Variants in ZNF184 observed in about 807,000 individuals in gnomAD.
The protein encoded by ZNF184 is zinc finger protein 184.
In ZNF184, 16 loss-of-function variants were observed where a neutral mutation model predicts 54.4. The observed-to-expected ratio is 0.29, with a 90% CI of 0.20 to 0.45. The LOEUF is 0.45. Ranked by LOEUF, ZNF184 falls within the 20% of genes least tolerant of loss-of-function variation. The pLI is 1.00. For synonymous variants in ZNF184, 254 were observed against 295.3 expected, an observed-to-expected ratio of 0.86 and a Z score of 1.43; for missense variants, 681 against 888.2, an observed-to-expected ratio of 0.77 and a Z score of 2.97.
the ZNF184 span, among the ~76,000 whole-genome samples, chr6:27,437,245 C>A: frequency 6.6e-6 from 1 of 152,178 alleles, no homozygotes; most frequent in African/African-American, 2.4e-5. Flanking sequence ...CTGGGCCTAA[C>A]CTGGTCAAAT....
At chr6:27,457,139 C>T (rs571006385) in intron 4 of ZNF184, 144 bp downstream of exon 4, 73 of 1,206,156 alleles carry the variant, frequency 6.1e-5, no homozygotes, top group Middle Eastern at 2.8e-4. Flanking sequence ...TGTCCCTCTG[C>T]TTGCTAGGAT....
At chr6:27,428,295 C>T in the ZNF184 span, among the ~76,000 whole-genome samples, 25 of 152,296 alleles carry the variant, frequency 1.6e-4, no homozygotes, top group South Asian at 4.4e-3. The surrounding 1 kb of genome is among the most constrained non-coding windows in gnomAD (Gnocchi z 4.1). Flanking sequence ...TGTCTCTTTA[C>T]TCTCTTCTGG....
intron 3 of ZNF184, among the ~76,000 whole-genome samples, chr6:27,461,778 G>C (rs1467426805): frequency 6.6e-6 from 1 of 152,152 alleles, no homozygotes; most frequent in Non-Finnish European, 1.5e-5. Flanking sequence ...TGGAACTCAA[G>C]AGATAGAGCT....
the ZNF184 span, among the ~76,000 whole-genome samples, chr6:27,427,117 A>T: frequency 2.8e-4 from 4 of 14,168 alleles, no homozygotes; most frequent in Admixed American, 8.5e-4. Context: ...CACTCTATGT[A>T]AAAAAAAAAA....
chr6:27,430,329 T>A, the ZNF184 span, among the ~76,000 whole-genome samples: 3 of 151,838 alleles, frequency 2.0e-5, no homozygotes, highest in East Asian at 5.9e-4. Flanking sequence ...CAAGTCATGG[T>A]ATTATTCCCC....
intron 3 of ZNF184, among the ~76,000 whole-genome samples, chr6:27,459,069 GAGGCTGGGA>G (rs1221982143): frequency 6.6e-6 from 1 of 152,134 alleles, no homozygotes; most frequent in Admixed American, 6.5e-5. Context: ...GTGCTTACTA[GAGGCTGGGA>G]AGGGTAGAGG....
chr6:27,437,669 T>G, the ZNF184 span, among the ~76,000 whole-genome samples: 2 of 152,234 alleles, frequency 1.3e-5, no homozygotes, highest in African/African-American at 4.8e-5. Context: ...AGAAAGCTAT[T>G]ACAGCTGTCA....
intron 3 of ZNF184, among the ~76,000 whole-genome samples, chr6:27,464,135 T>G (rs986210961): frequency 1.3e-5 from 2 of 152,110 alleles, no homozygotes; most frequent in Admixed American, 1.3e-4. Context: ...TGTTGCTCCT[T>G]GGGGAGCAAA....
At chr6:27,416,201 A>G in the ZNF184 span, among the ~76,000 whole-genome samples, 1 of 152,124 alleles carries the variant, frequency 6.6e-6, no homozygotes, top group East Asian at 1.9e-4. Flanking sequence ...ACAATAAAAC[A>G]TATAACAGTG....
At chr6:27,466,664 T>C (rs1763146605) in intron 3 of ZNF184, among the ~76,000 whole-genome samples, 1 of 110,990 alleles carries the variant, frequency 9.0e-6, no homozygotes, top group Admixed American at 9.9e-5. Flanking sequence ...ACTGTCACAG[T>C]ATACCCCCCA....
At chr6:27,437,141 T>C in the ZNF184 span, among the ~76,000 whole-genome samples, 4 of 152,346 alleles carry the variant, frequency 2.6e-5, no homozygotes, top group Admixed American at 2.0e-4. Flanking sequence ...GTTTCTAGTA[T>C]TACTTACATA....
At chr6:27,433,602 G>A in the ZNF184 span, among the ~76,000 whole-genome samples, 1 of 152,130 alleles carries the variant, frequency 6.6e-6, no homozygotes, top group African/African-American at 2.4e-5. Flanking sequence ...TTGCCCTTTT[G>A]TGTCTGGCTT....
downstream of ZNF184, among the ~76,000 whole-genome samples, chr6:27,449,063 G>A (rs1762670056): frequency 2.0e-5 from 3 of 152,196 alleles, no homozygotes; most frequent in Non-Finnish European, 4.4e-5. Context: ...AAATGTTTAA[G>A]GATGAATGAC....
downstream of ZNF184, among the ~76,000 whole-genome samples, chr6:27,449,311 G>T (rs569942494): frequency 2.0e-4 from 30 of 152,302 alleles, no homozygotes; most frequent in South Asian, 6.0e-3. Context: ...ATAAACAACT[G>T]GCTGGCTTTA....
the ZNF184 span, among the ~76,000 whole-genome samples, chr6:27,434,612 C>T: frequency 2.0e-5 from 3 of 152,036 alleles, no homozygotes; most frequent in Non-Finnish European, 2.9e-5. Flanking sequence ...CTGTGGGTTG[C>T]CTTTTCACCT....
the ZNF184 span, among the ~76,000 whole-genome samples, chr6:27,410,944 A>C: frequency 1.3e-5 from 2 of 152,240 alleles, no homozygotes; most frequent in Non-Finnish European, 1.5e-5. Context: ...CTAGGTGGGA[A>C]GCTGGGGTTC....
At chr6:27,440,068 T>C in the ZNF184 span, among the ~76,000 whole-genome samples, 1 of 152,268 alleles carries the variant, frequency 6.6e-6, no homozygotes, top group East Asian at 1.9e-4. Context: ...AAAACTCATG[T>C]ATCCAATATT....
the ZNF184 span, among the ~76,000 whole-genome samples, chr6:27,441,499 G>A: frequency 6.8e-6 from 1 of 146,338 alleles, no homozygotes; most frequent in Non-Finnish European, 1.6e-5. Context: ...ACAGACAAGA[G>A]CCACTGTATC....
chr6:27,442,496 C>A, the ZNF184 span, among the ~76,000 whole-genome samples: 1 of 151,976 alleles, frequency 6.6e-6, no homozygotes, highest in Non-Finnish European at 1.5e-5. Flanking sequence ...TGGCACACAC[C>A]TGTAGTCTCT....
Sources: gnomAD v4.1 joint callset for allele counts (sites outside exome capture counted in the v4.1 genomes callset) on GRCh38, gnomAD v4.1.1 for gene constraint, Gnocchi (gnomAD v3.1) non-coding constraint, MANE v1.5 for transcripts, NCBI Gene and HGNC (gene_info 2026-07-23, HGNC 2026-07-21) for gene names.